The following ZNF30 variants were observed in gnomAD, a reference collection of about 807,000 sequenced individuals.
ZNF30 encodes zinc finger protein 30 (KOX 28).
Under a neutral mutation model 13.2 loss-of-function variants are expected in ZNF30, and 15 were observed. The observed-to-expected ratio is 1.13, with a 90% CI of 0.76 to 1.75. The LOEUF is 1.75. Ranked by LOEUF, ZNF30 falls within the 40% of genes most tolerant of loss-of-function variation. The pLI, the probability that ZNF30 is intolerant of heterozygous loss-of-function variation, is 0.00. For missense variants in ZNF30, 726 were observed against 757.0 expected (o/e 0.96, Z 0.48); for synonymous variants, 223 against 256.6 (o/e 0.87, Z 1.25).
intron 3 of ZNF30, 118 bp from the exon 4 acceptor site, chr19:34,933,510 G>T: frequency 3.1e-6 from 2 of 651,080 alleles, no homozygotes; most frequent in Non-Finnish European, 2.7e-6. Context: ...CCCTTCTCGT[G>T]TCTGAGATAT....
chr19:34,933,110 TA>T (rs1263810043), intron 3 of ZNF30, among the ~76,000 whole-genome samples: 3 of 151,936 alleles, frequency 2.0e-5, no homozygotes, highest in African/African-American at 4.8e-5. Context: ...TAAATGAGTA[TA>T]CACTTATCTA....
intron 4 of ZNF30, among the ~76,000 whole-genome samples, 195 bp downstream of exon 4, chr19:34,933,918 A>C (rs1212196600): frequency 2.6e-5 from 4 of 152,158 alleles, no homozygotes; most frequent in Admixed American, 1.3e-4. Flanking sequence ...TACTTATTTT[A>C]ATACTCACTC....
At chr19:34,925,196 T>C (rs2012020757), upstream of ZNF30, among the ~76,000 whole-genome samples, 1 of 151,510 alleles carries the variant, frequency 6.6e-6, no homozygotes, top group Admixed American at 6.6e-5. Flanking sequence ...TACAGGATGC[T>C]CTTTAGCTGT....
chr19:34,931,469 C>T (rs1161525163), intron 2 of ZNF30, among the ~76,000 whole-genome samples: 2 of 152,114 alleles, frequency 1.3e-5, no homozygotes, highest in Admixed American at 6.5e-5. Context: ...TTTTATTCTA[C>T]AGTTGGAGAA....
In ZNF30 at chr19:34,941,311, C is replaced by G. The variant is rs182395044; in HGVS notation, c.257-1912C>G. The stretch of plus-strand genomic sequence containing the variant: ...ATGGAGTCTCACTCTGTTGCCCAGG[C>G]TGGAGTGCAATGGCGCGATCTTGGC... On this transcript the variant is annotated intron_variant, in intron 4 of 4. Coordinates refer to ENST00000601142, the MANE Select transcript of ZNF30 (RefSeq NM_194325.3). Among the ~76,000 whole-genome samples the G allele has an allele frequency of 6.0e-4, 91 of 152,352 alleles. No homozygotes were observed. The Middle Eastern group carries it at 0.01, about 17-fold the overall frequency.
At chr19:34,937,130 G>C (rs924234621) in intron 4 of ZNF30, among the ~76,000 whole-genome samples, 2 of 151,986 alleles carry the variant, frequency 1.3e-5, no homozygotes, top group Non-Finnish European at 2.9e-5. Flanking sequence ...TCCTGCCTCA[G>C]CCTCCTGAGT....
chr19:34,931,215 T>C (rs1430943323), intron 2 of ZNF30, among the ~76,000 whole-genome samples: 1 of 152,050 alleles, frequency 6.6e-6, no homozygotes, highest in Non-Finnish European at 1.5e-5. Flanking sequence ...TTTTTGTATT[T>C]TTAGTAGAGA....
In ZNF30 at chr19:34,944,370, C is replaced by T. The variant is rs377630217; in HGVS notation, c.1404C>T (p.His468=). 32 of 1,613,932 alleles carry T rather than the reference C, an allele frequency of 2.0e-5. No homozygotes were observed. Among genetic ancestry groups the T allele is most frequent in the Middle Eastern group, 1.6e-4 (1 of 6,084 alleles). Reference sequence around the variant, plus strand: ...AATGTGGCAAGGCCTTCAGAGTGCACGTACATCTCACACAGCATCGGAAAA... The same window carrying T: ...AATGTGGCAAGGCCTTCAGAGTGCATGTACATCTCACACAGCATCGGAAAA... The part of the protein sequence containing the change: ...CKECGKAFRV[H]VHLTQHRKIH... The change falls in exon 5 of 5, where the codon CAC becomes CAT. Residue 468 remains histidine (H), a synonymous_variant. Transcript: ENST00000601142.
intron 2 of ZNF30, among the ~76,000 whole-genome samples, chr19:34,931,325 C>T (rs2012441822): frequency 6.6e-6 from 1 of 152,138 alleles, no homozygotes; most frequent in Non-Finnish European, 1.5e-5. Flanking sequence ...TACAGATCCA[C>T]AAGATAACTT....
intron 1 of ZNF30, among the ~76,000 whole-genome samples, chr19:34,927,943 C>T (rs562004765): frequency 2.8e-4 from 42 of 152,152 alleles, no homozygotes; most frequent in African/African-American, 9.6e-4. Context: ...TGGCTCATGC[C>T]TGTAATCCCA....
chr19:34,931,039 C>CTT (rs56153327), intron 2 of ZNF30, among the ~76,000 whole-genome samples: 24 of 122,514 alleles, frequency 2.0e-4, no homozygotes, highest in Admixed American at 4.2e-4. Flanking sequence ...TTCTTTTTTT[C>CTT]TTTTTTTTTT....
intron 4 of ZNF30, among the ~76,000 whole-genome samples, chr19:34,936,425 G>T (rs1414231798): frequency 2.0e-5 from 3 of 152,186 alleles, no homozygotes; most frequent in Admixed American, 6.5e-5. Context: ...CAGCCGAATG[G>T]TGGTACGGTC....
At chr19:34,939,376 C>T (rs1261049402) in intron 4 of ZNF30, among the ~76,000 whole-genome samples, 1 of 151,984 alleles carries the variant, frequency 6.6e-6, no homozygotes, top group East Asian at 1.9e-4. Context: ...GATGGGGTTT[C>T]ACCATGTTGG....
chr19:34,933,617 C>T lies in ZNF30; in HGVS notation c.161-11C>T. ...TTTTATTTCTTTTCTACATTCTTAT[C>T]TCATAAGCAGGACATTCCCGTTCTA... On this transcript the variant is annotated splice_polypyrimidine_tract_variant and intron_variant, in intron 3 of 4. Transcript: ENST00000601142. 6.3e-7 allele frequency: 1 copy of T among 1,575,956 alleles called. No individual in the cohort carries two copies. Among genetic ancestry groups the T allele is most frequent in the South Asian group, 1.2e-5 (1 of 86,296 alleles).
intron 2 of ZNF30, among the ~76,000 whole-genome samples, chr19:34,931,306 A>C (rs567082158): frequency 9.9e-5 from 15 of 152,248 alleles, no homozygotes; most frequent in African/African-American, 3.1e-4. Flanking sequence ...CAAAGTTACT[A>C]ACCTTTAATA....
chr19:34,936,961 A>G (rs1449708926), intron 4 of ZNF30, among the ~76,000 whole-genome samples: 2 of 152,116 alleles, frequency 1.3e-5, no homozygotes, highest in Admixed American at 6.5e-5. Flanking sequence ...GCACTGGCTG[A>G]GGTCCCTTGA....
At chr19:34,942,781 A>G (rs141290767) in intron 4 of ZNF30, 121 of 403,650 alleles carry the variant, frequency 3.0e-4, no homozygotes, top group Non-Finnish European at 5.0e-4. Flanking sequence ...AGCAGGGACA[A>G]TATTATCTGT....
chr19:34,934,284 G>C (rs2012610764), intron 4 of ZNF30, among the ~76,000 whole-genome samples: 1 of 152,144 alleles, frequency 6.6e-6, no homozygotes, highest in Non-Finnish European at 1.5e-5. Context: ...GTTTTTGAGT[G>C]AGACAGTCTT....
chr19:34,935,261 T>C (rs972596704), intron 4 of ZNF30, among the ~76,000 whole-genome samples: 1 of 152,028 alleles, frequency 6.6e-6, no homozygotes, highest in African/African-American at 2.4e-5. Context: ...AAACAATTTT[T>C]ATAAAATAAC....
Sources: allele counts gnomAD v4.1 joint callset (sites outside exome capture counted in the v4.1 genomes callset), GRCh38; gene constraint gnomAD v4.1.1; transcripts MANE v1.5; gene names NCBI Gene and HGNC (gene_info 2026-07-23, HGNC 2026-07-21).